Variants in SIPA1L2 observed in about 807,000 individuals in gnomAD.
The protein encoded by SIPA1L2 is signal induced proliferation associated 1 like 2, also known as signal-induced proliferation-associated 1-like protein 2.
In SIPA1L2, 56 loss-of-function variants were observed where a neutral mutation model predicts 163.9. The observed-to-expected ratio is 0.34, with a 90% CI of 0.28 to 0.43. The LOEUF is 0.43. Ranked by LOEUF, SIPA1L2 falls within the 20% of genes least tolerant of loss-of-function variation. The pLI is 1.00. For missense variants in SIPA1L2, 1,974 were observed against 2,193.5 expected (o/e 0.90, Z 2.00); for synonymous variants, 877 against 865.7 (o/e 1.01, Z -0.23).
In SIPA1L2 at chr1:232,460,916, G is replaced by C. The variant is rs1164926670; in HGVS notation, c.3066C>G (p.Ile1022Met). ...GGGGCGAGCCGTCATCATGGGGCTG[G>C]ATGATGACCACCTTCACAGTCACAG... ...RTSVTVKVVIIQPHDDGSPRR... is the reference protein window; with the variant it reads ...RTSVTVKVVIMQPHDDGSPRR... Residue 1022 changes from isoleucine to methionine, a missense_variant, in exon 10 of 23, where the codon ATC becomes ATG. Coordinates refer to ENST00000674635, the MANE Select transcript of SIPA1L2 (RefSeq NM_020808.5). 6.2e-7 allele frequency: 1 copy of C among 1,614,044 alleles called. No homozygotes were observed. Among genetic ancestry groups the C allele is most frequent in the African/African-American group, 1.3e-5 (1 of 74,936 alleles).
At chr1:232,611,614 G>C (rs188218787) in intron 1 of SIPA1L2, among the ~76,000 whole-genome samples, 2 of 152,282 alleles carry the variant, frequency 1.3e-5, no homozygotes, top group Non-Finnish European at 2.9e-5. Context: ...CTAGAGATTT[G>C]TGGAACTTTG....
At chr1:232,399,389 G>C in intron 22 of SIPA1L2, 116 bp from the exon 23 acceptor site, 1 of 1,167,896 alleles carries the variant, frequency 8.6e-7, no homozygotes, top group African/African-American at 1.5e-5. Context: ...TTTGAGGGGA[G>C]AAGGGGTGAC....
At chr1:232,480,109 G>C (rs57653635) in intron 6 of SIPA1L2, among the ~76,000 whole-genome samples, 1 of 151,930 alleles carries the variant, frequency 6.6e-6, no homozygotes, top group Admixed American at 6.6e-5. Context: ...TCTGAAGGGC[G>C]TGACAAACTG....
intron 10 of SIPA1L2, among the ~76,000 whole-genome samples, chr1:232,457,063 T>C (rs1663962058): frequency 6.6e-6 from 1 of 152,220 alleles, no homozygotes; most frequent in Non-Finnish European, 1.5e-5. Context: ...TCCCTTAGGC[T>C]GGCAAATGGG....
chr1:232,577,397 T>C (rs575496472), intron 1 of SIPA1L2, among the ~76,000 whole-genome samples: 1 of 152,364 alleles, frequency 6.6e-6, no homozygotes, highest in African/African-American at 2.4e-5. Flanking sequence ...GAGATGAATG[T>C]TGTTTCTTGC....
chr1:232,432,143 A>T (rs912082353), intron 16 of SIPA1L2, 104 bp downstream of exon 16: 6 of 905,056 alleles, frequency 6.6e-6, no homozygotes, highest in Admixed American at 5.6e-5. Flanking sequence ...TTTTTAGATT[A>T]TTCTTTTTTA....
In SIPA1L2 at chr1:232,560,584, A is replaced by G. The variant is rs1379960579; in HGVS notation, c.-270+13590T>C. 4.6e-5 allele frequency among the ~76,000 whole-genome samples: 7 copies of G among 152,326 alleles called. No individual in the cohort carries two copies. In the East Asian group the frequency reaches 1.3e-3, roughly 29 times the overall value. On this transcript the variant is annotated intron_variant, in intron 2 of 22. Coordinates refer to ENST00000674635, the MANE Select transcript of SIPA1L2 (RefSeq NM_020808.5). ...ATGCTGTGTACTGGTCACCTTGCCC[A>G]GCAGGGAGGCCCTCCAGCTCTCACC...
At chr1:232,482,609 T>C (rs993319785) in intron 6 of SIPA1L2, among the ~76,000 whole-genome samples, 1 of 152,170 alleles carries the variant, frequency 6.6e-6, no homozygotes, top group East Asian at 1.9e-4. Context: ...AGGGGGCCCA[T>C]GTGTGAGTTT....
chr1:232,538,123 T>A (rs1470500342), intron 2 of SIPA1L2, among the ~76,000 whole-genome samples: 1 of 152,164 alleles, frequency 6.6e-6, no homozygotes, highest in Non-Finnish European at 1.5e-5. Flanking sequence ...TCTCAGTAAT[T>A]TCAAAGGCAG....
intron 12 of SIPA1L2, among the ~76,000 whole-genome samples, chr1:232,442,129 A>G (rs761660566): frequency 1.3e-5 from 2 of 152,184 alleles, no homozygotes; most frequent in African/African-American, 2.4e-5. Context: ...AGGGCTGCTG[A>G]CACCAGGAGG....
chr1:232,409,650 C>G (rs550367333), intron 19 of SIPA1L2, among the ~76,000 whole-genome samples: 1 of 152,298 alleles, frequency 6.6e-6, no homozygotes, highest in East Asian at 1.9e-4. Context: ...TATAACTACT[C>G]TACTGAAGGC....
chr1:232,630,137 G>T (rs1406709206), upstream of SIPA1L2, among the ~76,000 whole-genome samples: 1 of 151,240 alleles, frequency 6.6e-6, no homozygotes, highest in Admixed American at 6.6e-5. Flanking sequence ...CCAGTCTGCC[G>T]CGCCGGCTCC....
intron 1 of SIPA1L2, among the ~76,000 whole-genome samples, chr1:232,586,759 A>G (rs560915389): frequency 1.5e-4 from 23 of 152,376 alleles, no homozygotes; most frequent in African/African-American, 5.3e-4. Flanking sequence ...ACCTAGTTAC[A>G]ATGCGAAACT....
intron 2 of SIPA1L2, among the ~76,000 whole-genome samples, chr1:232,568,454 G>A (rs1165607493): frequency 1.3e-5 from 2 of 152,198 alleles, no homozygotes; most frequent in Non-Finnish European, 1.5e-5. Context: ...TGGTATGACA[G>A]CAGCAGAGGA....
chr1:232,501,045 G>A (rs1196768089), intron 3 of SIPA1L2, among the ~76,000 whole-genome samples: 2 of 77,412 alleles, frequency 2.6e-5, no homozygotes, highest in East Asian at 1.1e-3. Context: ...TTTTAGCAAT[G>A]AAGTATTTTT....
chr1:232,466,744 TCACGCCACTG>T (rs1015752540), intron 8 of SIPA1L2, among the ~76,000 whole-genome samples: 6 of 152,110 alleles, frequency 3.9e-5, no homozygotes, highest in African/African-American at 1.4e-4. Flanking sequence ...TGAGCCGAGA[TCACGCCACTG>T]CACTCCAGCC....
chr1:232,452,955 C>T (rs1194614429), intron 10 of SIPA1L2, among the ~76,000 whole-genome samples: 1 of 152,168 alleles, frequency 6.6e-6, no homozygotes, highest in Non-Finnish European at 1.5e-5. Context: ...GACATTATTA[C>T]TTCTGTTTCC....
At position 232,398,942 on chromosome 1, in the gene SIPA1L2, G is replaced by A. The variant is rs895018443; in HGVS notation, c.*185C>T. 14 of 700,040 alleles carry A rather than the reference G, an allele frequency of 2.0e-5. No individual in the cohort carries two copies. The highest frequency in any genetic ancestry group is 2.5e-5 in the Non-Finnish European group (11 of 432,454). 43.4% of individuals were successfully genotyped at this position (700,040 alleles called of 1,614,324 possible). ...ATTCATTCATCTTCACATCGGCGCT[G>A]CTCTCTGCCGTGGTTACCGAGAAAG... is the stretch of plus-strand genomic sequence containing the variant. On this transcript the variant is annotated 3_prime_UTR_variant, in exon 23 of 23. Transcript: ENST00000674635.
chr1:232,511,537 A>G (rs1039201584), intron 3 of SIPA1L2, among the ~76,000 whole-genome samples: 2 of 152,204 alleles, frequency 1.3e-5, no homozygotes, highest in Non-Finnish European at 2.9e-5. Context: ...AATAATCACA[A>G]TTTATCTGGC....
Sources: gnomAD v4.1 joint callset for allele counts (sites outside exome capture counted in the v4.1 genomes callset) on GRCh38, gnomAD v4.1.1 for gene constraint, MANE v1.5 for transcripts, NCBI Gene and HGNC (gene_info 2026-07-23, HGNC 2026-07-21) for gene names.